Variants in MUSK observed in about 807,000 individuals in gnomAD.
MUSK encodes the protein muscle associated receptor tyrosine kinase.
In MUSK, 55 loss-of-function variants were observed where a neutral mutation model predicts 88.7. The ratio of observed to expected loss-of-function variants is 0.62; its 90% CI spans 0.50 to 0.78. MUSK has a LOEUF of 0.78. Ranked by LOEUF, MUSK falls within the 30% of genes least tolerant of loss-of-function variation. The pLI, the probability that MUSK is intolerant of heterozygous loss-of-function variation, is 0.00. For synonymous variants in MUSK, 387 were observed against 391.9 expected (o/e 0.99, Z 0.15); for missense variants, 1,015 against 1,074.3 (o/e 0.94, Z 0.77).
chr9:110,762,471 T>C (rs1240051956), intron 8 of MUSK, among the ~76,000 whole-genome samples: 1 of 152,222 alleles, frequency 6.6e-6, no homozygotes, highest in East Asian at 1.9e-4. Flanking sequence ...ATACTTACTA[T>C]GGATCGGGCA....
At chr9:110,786,922 G>A (rs917725113) in intron 13 of MUSK, among the ~76,000 whole-genome samples, 3 of 152,270 alleles carry the variant, frequency 2.0e-5, no homozygotes, top group African/African-American at 7.2e-5. Context: ...CCCTGGCGTA[G>A]AGGTTACATG....
In MUSK at chr9:110,746,310, T is replaced by TA. The variant is rs200813934; in HGVS notation, c.754-1323dup. ...AAACAGTGAAAAAAGAACCACCATT[T>TA]AAAAAAAATGCCACCACCTTAACAA... On this transcript the variant is annotated intron_variant, in intron 6 of 14. Transcript: ENST00000374448. Among the ~76,000 whole-genome samples, 653 of 152,140 alleles carry TA rather than the reference T, an allele frequency of 4.3e-3. 5 individuals carry two copies. The highest frequency in any genetic ancestry group is 5.1e-3 in the Non-Finnish European group (344 of 67,974).
intron 14 of MUSK, among the ~76,000 whole-genome samples, chr9:110,797,884 T>G (rs1367258742): frequency 3.9e-5 from 6 of 152,232 alleles, no homozygotes; most frequent in Non-Finnish European, 8.8e-5. Context: ...TGTATTCGTA[T>G]ACAGTTTATA....
intron 6 of MUSK, among the ~76,000 whole-genome samples, chr9:110,745,838 A>C (rs1384486544): frequency 6.6e-6 from 1 of 152,216 alleles, no homozygotes; most frequent in Non-Finnish European, 1.5e-5. Flanking sequence ...TATCATAAGA[A>C]TTGAGACTAG....
At chr9:110,785,469 G>A (rs1197683010) in intron 12 of MUSK, 58 bp from the exon 13 acceptor site, 7 of 1,369,854 alleles carry the variant, frequency 5.1e-6, no homozygotes, top group Non-Finnish European at 6.9e-6. Context: ...CTAAGTCTAA[G>A]TACAAAGATC....
intron 6 of MUSK, among the ~76,000 whole-genome samples, chr9:110,743,428 TA>T (rs2077129566): frequency 2.0e-5 from 3 of 152,208 alleles, no homozygotes; most frequent in African/African-American, 7.2e-5. Context: ...GCTTACTTTT[TA>T]AAAAGAAAAT....
intron 11 of MUSK, among the ~76,000 whole-genome samples, chr9:110,781,494 T>G (rs1259613130): frequency 1.3e-5 from 2 of 152,186 alleles, no homozygotes. Context: ...GCCAGGATGG[T>G]CTCGATCTCC....
In MUSK at chr9:110,803,382, C is replaced by G. The variant is rs946948307; in HGVS notation, c.*2394C>G. ...GGAGTGCAGTGGCACGATCTTGGCT[C>G]ACTGCAAGCTCAGCCTCCAACAGTC... On this transcript the variant is annotated 3_prime_UTR_variant, in exon 15 of 15. Coordinates refer to ENST00000374448, the MANE Select transcript of MUSK (RefSeq NM_005592.4). Among the ~76,000 whole-genome samples the G allele has an allele frequency of 4.6e-5, 7 of 152,190 alleles. No individual in the cohort carries two copies. Among genetic ancestry groups the G allele is most frequent in the African/African-American group, 1.7e-4 (7 of 41,444 alleles).
rs2076946089 is a variant in MUSK at position 110,730,255 on chromosome 9, C to T, written c.629-3996C>T. On this transcript the variant is annotated intron_variant, in intron 5 of 14. Transcript: ENST00000374448. The stretch of plus-strand genomic sequence containing the variant: ...GATGCACTTGCTTACCCACAGGAAA[C>T]CAAGTGGTTTAGGGCTCACAGTGAA... 2.0e-5 allele frequency among the ~76,000 whole-genome samples: 3 copies of T among 152,042 alleles called. No individual in the cohort carries two copies. The South Asian group carries it at 6.2e-4, about 31-fold the overall frequency.
chr9:110,753,318 G>A (rs1187864802), intron 7 of MUSK, among the ~76,000 whole-genome samples: 5 of 151,996 alleles, frequency 3.3e-5, no homozygotes, highest in Admixed American at 1.3e-4. Context: ...TGTAATCCCA[G>A]CTACTTGGGA....
At chr9:110,741,033 A>G (rs2077090963) in intron 6 of MUSK, among the ~76,000 whole-genome samples, 1 of 152,168 alleles carries the variant, frequency 6.6e-6, no homozygotes, top group East Asian at 1.9e-4. Context: ...CAGTCATGCA[A>G]GATGAATTAA....
chr9:110,788,555 C>CG (rs370139479), intron 14 of MUSK, among the ~76,000 whole-genome samples: 7 of 151,114 alleles, frequency 4.6e-5, no homozygotes, highest in East Asian at 1.9e-4. Flanking sequence ...TCGCTTACAC[C>CG]GGGGGGGCAG....
At chr9:110,720,918 G>A (rs184169344) in intron 5 of MUSK, among the ~76,000 whole-genome samples, 97 of 152,180 alleles carry the variant, frequency 6.4e-4, no homozygotes, top group Non-Finnish European at 1.2e-3. Context: ...TCATACCAGG[G>A]ATGCAGGGAT....
chr9:110,781,254 T>C (rs941831801), intron 11 of MUSK, among the ~76,000 whole-genome samples: 24 of 106,354 alleles, frequency 2.3e-4, no homozygotes, highest in African/African-American at 7.6e-4. Flanking sequence ...TTTGTGTGTG[T>C]TTTTTTGTTT....
chr9:110,712,646 A>G (rs543165459), intron 5 of MUSK, among the ~76,000 whole-genome samples: 1 of 152,300 alleles, frequency 6.6e-6, no homozygotes, highest in East Asian at 1.9e-4. Context: ...CCACACTTTG[A>G]AAAACACTGA....
In MUSK at chr9:110,784,962, C is replaced by T; in HGVS notation, c.1532C>T (p.Thr511Ile). The part of the protein sequence containing the change: ...MSSFAIFVLL[T>I]ITTLYCCRRR... ...AGCTTTGCAATATTTGTGCTTCTTA[C>T]CATAACTACTCTCTATTGCTGCCGA... Residue 511 changes from threonine (T) to isoleucine (I), a missense_variant, in exon 12 of 15, where the codon ACC (threonine) becomes ATC (isoleucine). Coordinates refer to ENST00000374448, the MANE Select transcript of MUSK (RefSeq NM_005592.4). 1.9e-6 allele frequency: 3 copies of T among 1,613,790 alleles called. No homozygotes were observed. The highest frequency in any genetic ancestry group is 2.5e-6 in the Non-Finnish European group (3 of 1,179,800).
chr9:110,707,131 C>T (rs1193232957), intron 5 of MUSK, among the ~76,000 whole-genome samples: 1 of 152,142 alleles, frequency 6.6e-6, no homozygotes, highest in East Asian at 1.9e-4. Context: ...AGGTGAACCT[C>T]TTGAATCCAG....
At chr9:110,763,449 A>C (rs548119050) in intron 8 of MUSK, among the ~76,000 whole-genome samples, 3 of 152,286 alleles carry the variant, frequency 2.0e-5, no homozygotes, top group African/African-American at 7.2e-5. Flanking sequence ...CCTCCTTCTG[A>C]AAAAAACAGG....
intron 8 of MUSK, among the ~76,000 whole-genome samples, chr9:110,764,664 T>C (rs1009052049): frequency 6.6e-6 from 1 of 152,114 alleles, no homozygotes; most frequent in Non-Finnish European, 1.5e-5. Flanking sequence ...GTCTTGTGTG[T>C]GCCTTACCTT....
Sources: allele counts gnomAD v4.1 joint callset (sites outside exome capture counted in the v4.1 genomes callset), GRCh38; gene constraint gnomAD v4.1.1; transcripts MANE v1.5; gene names NCBI Gene and HGNC (gene_info 2026-07-23, HGNC 2026-07-21).